Variants in PAX3 observed in about 807,000 individuals in gnomAD.
PAX3 encodes paired box 3.
PAX3 carries 14 observed loss-of-function variants against 51.6 expected under a neutral mutation model. The ratio of observed to expected loss-of-function variants is 0.27; its 90% CI spans 0.18 to 0.42. PAX3 has a LOEUF of 0.42. PAX3 is among the 10% of genes least tolerant of loss of function. The pLI, the probability that PAX3 is intolerant of heterozygous loss-of-function variation, is 1.00. For synonymous variants in PAX3, 280 were observed against 253.4 expected (o/e 1.11, Z -1.00); for missense variants, 540 against 642.8 (o/e 0.84, Z 1.73).
chr2:222,280,758 G>C (rs16863647), intron 4 of PAX3, among the ~76,000 whole-genome samples: 33,786 of 152,164 alleles, frequency 0.22, 4,430 homozygotes, highest in East Asian at 0.59. Context: ...TGAATCCAAA[G>C]TAGAACAGGC....
chr2:222,268,334 G>A (rs1454136228), intron 4 of PAX3, among the ~76,000 whole-genome samples: 1 of 152,200 alleles, frequency 6.6e-6, no homozygotes, highest in Non-Finnish European at 1.5e-5. Context: ...TTTCAAAGAA[G>A]TGCTTGGCTT....
chr2:222,247,601 C>A (rs1289261551), intron 4 of PAX3, among the ~76,000 whole-genome samples: 12 of 152,158 alleles, frequency 7.9e-5, no homozygotes, highest in Non-Finnish European at 1.8e-4. Context: ...AAACCTATAT[C>A]TCTTGAGTTC....
intron 4 of PAX3, among the ~76,000 whole-genome samples, chr2:222,259,190 G>A (rs892621203): frequency 1.5e-4 from 23 of 152,078 alleles, no homozygotes; most frequent in African/African-American, 1.2e-4. Flanking sequence ...TTACTACCTC[G>A]AAATGAACAC....
chr2:222,250,513 A>G (rs1693388501), intron 4 of PAX3, among the ~76,000 whole-genome samples: 1 of 152,226 alleles, frequency 6.6e-6, no homozygotes, highest in East Asian at 1.9e-4. Context: ...AGAAACTTCG[A>G]AAAAGGTATT....
Position 222,232,064 on chromosome 2 carries a change from T to C in PAX3, c.792+14A>G. 1 of 1,612,692 alleles carries C rather than the reference T, an allele frequency of 6.2e-7. No homozygotes were observed. Among genetic ancestry groups the C allele is most frequent in the Non-Finnish European group, 8.5e-7 (1 of 1,179,218 alleles). ...CTGGACTGAAGTAGGACACGGAGGTTTGGGCAACAGTACCTGTACTCGGGC... is the reference window on the plus strand; with the variant it reads ...CTGGACTGAAGTAGGACACGGAGGTCTGGGCAACAGTACCTGTACTCGGGC... On this transcript the variant is annotated intron_variant, in intron 5 of 8. Coordinates refer to ENST00000392070, the MANE Select transcript of PAX3 (RefSeq NM_181458.4).
intron 7 of PAX3, among the ~76,000 whole-genome samples, chr2:222,219,614 G>A (rs10179092): frequency 0.022 from 3,397 of 152,148 alleles, 106 homozygotes; most frequent in African/African-American, 0.072. Context: ...TTTATAACTC[G>A]TTTATTCCAG....
intron 4 of PAX3, among the ~76,000 whole-genome samples, chr2:222,270,840 A>C (rs1035538927): frequency 6.6e-6 from 1 of 152,240 alleles, no homozygotes; most frequent in African/African-American, 2.4e-5. Context: ...TTTGCAATAA[A>C]GCAATGTTAT....
intron 4 of PAX3, among the ~76,000 whole-genome samples, chr2:222,278,054 G>A (rs1694493348): frequency 6.6e-6 from 1 of 150,968 alleles, no homozygotes; most frequent in African/African-American, 2.4e-5. Context: ...TTCTTCCAGT[G>A]TGGCCCAAGG....
intron 4 of PAX3, chr2:222,293,559 G>A (rs1365384554): frequency 1.4e-6 from 2 of 1,481,282 alleles, no homozygotes; most frequent in African/African-American, 1.4e-5. Flanking sequence ...CAGAGCTTGG[G>A]TTCCTTTCAA....
intron 7 of PAX3, among the ~76,000 whole-genome samples, chr2:222,218,148 G>A (rs1048343951): frequency 6.6e-6 from 1 of 152,154 alleles, no homozygotes; most frequent in African/African-American, 2.4e-5. Flanking sequence ...ACCATAATAT[G>A]TAAGATATAG....
intron 4 of PAX3, among the ~76,000 whole-genome samples, chr2:222,247,695 A>G (rs1693279152): frequency 6.6e-6 from 1 of 152,104 alleles, no homozygotes; most frequent in East Asian, 1.9e-4. Context: ...CTATATTCTA[A>G]TGGTAGCTAG....
chr2:222,226,828 C>T (rs1326933942), intron 5 of PAX3, among the ~76,000 whole-genome samples: 2 of 151,598 alleles, frequency 1.3e-5, no homozygotes, highest in Admixed American at 1.3e-4. Flanking sequence ...CCTGAGAAAT[C>T]ATGCGTTCTA....
intron 7 of PAX3, among the ~76,000 whole-genome samples, chr2:222,205,730 G>A (rs1271983509): frequency 6.6e-6 from 1 of 152,030 alleles, no homozygotes; most frequent in African/African-American, 2.4e-5. Context: ...GTGTTGGTGG[G>A]GGGAGTGAGG....
intron 7 of PAX3, among the ~76,000 whole-genome samples, chr2:222,211,145 T>G (rs1397843093): frequency 2.0e-5 from 3 of 152,160 alleles, no homozygotes; most frequent in Admixed American, 1.3e-4. Flanking sequence ...ATTATAGGTG[T>G]GAGCCACCAC....
chr2:222,298,311 G>A (rs1201851351), intron 1 of PAX3: 1 of 587,112 alleles, frequency 1.7e-6, no homozygotes, highest in Non-Finnish European at 3.0e-6. Flanking sequence ...CCGCAGGCCT[G>A]ACCGCCCAGC....
At chr2:222,218,982 A>G (rs1206567261) in intron 7 of PAX3, among the ~76,000 whole-genome samples, 1 of 152,096 alleles carries the variant, frequency 6.6e-6, no homozygotes, top group African/African-American at 2.4e-5. Context: ...CACAGTTATC[A>G]CTGTCTTGCA....
chr2:222,201,436 A>C lies in PAX3; in HGVS notation c.1427T>G (p.Phe476Cys), dbSNP rs1691288948. The C allele has an allele frequency of 6.2e-7, 1 of 1,614,068 alleles. No homozygotes were observed. Among genetic ancestry groups the C allele is most frequent in the Admixed American group, 1.7e-5 (1 of 60,022 alleles). The stretch of plus-strand genomic sequence containing the variant: ...CGCGATATCTGGCTTGAGATAATGA[A>C]AGGCACCTGTAAGGAAACACACGCA... Reference protein sequence around the residue: ...YQYGQYGQSAFHYLKPDIA With the variant: ...YQYGQYGQSACHYLKPDIA Residue 476 changes from phenylalanine to cysteine, a missense_variant, in exon 9 of 9, where the codon TTT (phenylalanine) becomes TGT (cysteine). Physicochemically the swap from Phe to Cys is radical, Grantham distance 205 (BLOSUM62 -2). Coordinates refer to ENST00000392070, the MANE Select transcript of PAX3 (RefSeq NM_181458.4).
At chr2:222,236,186 T>A (rs1298007080) in intron 4 of PAX3, among the ~76,000 whole-genome samples, 1 of 152,232 alleles carries the variant, frequency 6.6e-6, no homozygotes, top group Non-Finnish European at 1.5e-5. Flanking sequence ...TCTTATATCA[T>A]TCAATAGAAA....
At chr2:222,291,151 G>A (rs546241100) in intron 4 of PAX3, among the ~76,000 whole-genome samples, 1 of 152,308 alleles carries the variant, frequency 6.6e-6, no homozygotes, top group East Asian at 1.9e-4. Context: ...CCGAGCCGGG[G>A]GAGGAACAGA....
Sources: gnomAD v4.1 joint callset for allele counts (sites outside exome capture counted in the v4.1 genomes callset) on GRCh38, gnomAD v4.1.1 for gene constraint, MANE v1.5 for transcripts, NCBI Gene and HGNC (gene_info 2026-07-23, HGNC 2026-07-21) for gene names.